Variants in ENG observed in about 807,000 individuals in gnomAD.
The protein encoded by ENG is endoglin, also known as CD105 antigen.
ENG carries 17 observed loss-of-function variants against 71.0 expected under a neutral mutation model. The ratio of observed to expected loss-of-function variants is 0.24; its 90% CI spans 0.16 to 0.36. The LOEUF (loss-of-function observed/expected upper bound fraction) is 0.36. ENG is among the 10% of genes least tolerant of loss of function. The pLI is 1.00. For missense variants in ENG, 749 were observed against 868.3 expected (o/e 0.86, Z 1.73); for synonymous variants, 360 against 366.9 (o/e 0.98, Z 0.21).
In ENG at chr9:127,825,311, C is replaced by A; in HGVS notation, c.736G>T (p.Asp246Tyr). The change falls in exon 6 of 15, where the codon GAT becomes TAT. Residue 246 changes from aspartate (D) to tyrosine (Y), a missense_variant. Physicochemically the swap from Asp to Tyr is radical, Grantham distance 160. Transcript: ENST00000373203. ...TGCAGGATGAGGACGGCATCGAGATCCCCGGGTGCGCAGCTCAGTTCCACC... is the reference window on the plus strand; with the variant it reads ...TGCAGGATGAGGACGGCATCGAGATACCCGGGTGCGCAGCTCAGTTCCACC... ...VKVELSCAPG[D>Y]LDAVLILQGP... The A allele has an allele frequency of 6.2e-7, 1 of 1,611,198 alleles. No homozygotes were observed. Among genetic ancestry groups the A allele is most frequent in the Non-Finnish European group, 8.5e-7 (1 of 1,179,504 alleles).
rs1471857128 is a variant in ENG, at chr9:127,825,713, A to C, written c.671T>G (p.Leu224Arg). The C allele has an allele frequency of 6.3e-7, 1 of 1,588,510 alleles. No homozygotes were observed. The highest frequency in any genetic ancestry group is 2.3e-5 in the East Asian group (1 of 44,276). The change falls in exon 5 of 15, where the codon CTG (leucine) becomes CGG (arginine). Residue 224 changes from leucine (L) to arginine (R), a missense_variant. Coordinates refer to ENST00000373203, the MANE Select transcript of ENG (RefSeq NM_001114753.3). Reference protein sequence around the residue: ...GHKEAHILRVLPGHSAGPRTV... With the variant: ...GHKEAHILRVRPGHSAGPRTV... Reference sequence around the variant, plus strand: ...GCCATACCCGGCCGAGTGGCCCGGCAGGACCCTCAGGATGTGCGCCTCCTT... The same window carrying C: ...GCCATACCCGGCCGAGTGGCCCGGCCGGACCCTCAGGATGTGCGCCTCCTT...
At chr9:127,816,910 G>A (rs565346967) in intron 13 of ENG, 1 of 591,210 alleles carries the variant, frequency 1.7e-6, no homozygotes, top group African/African-American at 1.9e-5. Flanking sequence ...CAGAGGCCTA[G>A]ACTCCCACCC....
intron 13 of ENG, chr9:127,816,659 T>A (rs1588573327): frequency 4.1e-6 from 1 of 242,012 alleles, no homozygotes; most frequent in Admixed American, 5.1e-5. Context: ...GGCAAAGAGG[T>A]AGGTGCCCCC....
At chr9:127,854,145 TG>T in intron 1 of ENG, 143 bp downstream of exon 1, 1 of 766,522 alleles carries the variant, frequency 1.3e-6, no homozygotes, top group Non-Finnish European at 2.1e-6. Flanking sequence ...TCCAGCAAAC[TG>T]GGAGGGTTGG....
Position 127,818,350 on chromosome 9 carries a change from A to G in ENG, c.1456T>C (p.Phe486Leu), listed in dbSNP as rs1830385483. ...TGGCAGCTGTCTAACTGGAGCAGGA[A>G]CTCGGAGACGGATGGGGACACTCTG... ...QVRVSPSVSE[F>L]LLQLDSCHLD... is the part of the protein sequence containing the mutation. The change falls in exon 12 of 15, where the codon TTC becomes CTC. Residue 486 changes from phenylalanine to leucine, a missense_variant. Physicochemically the swap from Phe to Leu is conservative, Grantham distance 22. Coordinates refer to ENST00000373203, the MANE Select transcript of ENG (RefSeq NM_001114753.3). The G allele has an allele frequency of 1.2e-6, 2 of 1,613,876 alleles. No individual in the cohort carries two copies. Among genetic ancestry groups the G allele is most frequent in the Non-Finnish European group, 1.7e-6 (2 of 1,180,022 alleles).
intron 12 of ENG, 64 bp downstream of exon 12, chr9:127,818,056 T>C: frequency 6.2e-7 from 1 of 1,612,422 alleles, no homozygotes; most frequent in Non-Finnish European, 8.5e-7. Context: ...GCCATGTCCC[T>C]TCCTGCAAAC....
chr9:127,829,583 G>A (rs1384387738), intron 3 of ENG, 104 bp downstream of exon 3: 2 of 1,459,126 alleles, frequency 1.4e-6, no homozygotes, highest in African/African-American at 1.4e-5. Flanking sequence ...AAAGGGAGAA[G>A]CAGGGCTGGG....
At chr9:127,829,390 T>C (rs1389898081) in intron 3 of ENG, among the ~76,000 whole-genome samples, 1 of 152,202 alleles carries the variant, frequency 6.6e-6, no homozygotes, top group Non-Finnish European at 1.5e-5. Context: ...AGTTCAGTTG[T>C]CCCACTGGAC....
At chr9:127,849,940 G>A (rs997995343) in intron 1 of ENG, among the ~76,000 whole-genome samples, 1 of 152,246 alleles carries the variant, frequency 6.6e-6, no homozygotes, top group African/African-American at 2.4e-5. Flanking sequence ...AAGTCTGACA[G>A]TACACATACC....
intron 13 of ENG, chr9:127,816,444 G>A (rs1252006187): frequency 5.6e-6 from 2 of 357,156 alleles, no homozygotes; most frequent in Non-Finnish European, 1.1e-5. Flanking sequence ...GTAGAGAATG[G>A]GCCAGAGCAG....
intron 1 of ENG, among the ~76,000 whole-genome samples, chr9:127,843,755 A>ATATATT (rs1554812402): frequency 4.0e-5 from 1 of 25,038 alleles, no homozygotes; most frequent in African/African-American, 1.5e-4. Flanking sequence ...ATATATATAT[A>ATATATT]TTTTTTTTTT....
chr9:127,850,840 G>A (rs138901231), intron 1 of ENG, among the ~76,000 whole-genome samples: 83 of 152,334 alleles, frequency 5.4e-4, no homozygotes, highest in African/African-American at 1.8e-3. Context: ...TACCAAAACT[G>A]TGCATTGTGG....
intron 7 of ENG, 109 bp downstream of exon 7, chr9:127,824,691 G>C: frequency 7.8e-7 from 1 of 1,283,826 alleles, no homozygotes; most frequent in Non-Finnish European, 1.0e-6. Context: ...ATGAGGCTCA[G>C]AGAGGCTGAT....
chr9:127,825,943 A>G lies in ENG; in HGVS notation c.524-83T>C, dbSNP rs915224411. On this transcript the variant is annotated intron_variant, in intron 4 of 14. Coordinates refer to ENST00000373203, the MANE Select transcript of ENG (RefSeq NM_001114753.3). ...CCCGCCCTCACCCACAGCCAAAGAT[A>G]GTGGTGGGGCAGGCAGGACGGTGCT... 7.2e-6 allele frequency: 11 copies of G among 1,523,162 alleles called. No individual in the cohort carries two copies. In the African/African-American group the frequency reaches 8.3e-5, roughly 11 times the overall value. 94.4% of individuals were successfully genotyped at this position (1,523,162 alleles called of 1,614,324 possible).
intron 12 of ENG, 54 bp downstream of exon 12, chr9:127,818,066 C>T (rs1830372506): frequency 1.2e-6 from 2 of 1,613,140 alleles, no homozygotes; most frequent in Non-Finnish European, 1.7e-6. Flanking sequence ...TTCCTGCAAA[C>T]CACAGACCTG....
chr9:127,826,540 G>C lies in ENG; in HGVS notation c.493C>G (p.Pro165Ala). The change falls in exon 4 of 15, where the codon CCC becomes GCC. Residue 165 changes from proline (P) to alanine (A), a missense_variant. Pro to Ala is a conservative substitution (Grantham distance 27). Coordinates refer to ENST00000373203, the MANE Select transcript of ENG (RefSeq NM_001114753.3). ...CCCAGTCGGAGGAGGATGCTCTGGG[G>C]GTCATTCAGCTCAGCAGCAGAGGTG... ...PITSAAELND[P>A]QSILLRLGQA... 6.2e-7 allele frequency: 1 copy of C among 1,614,108 alleles called. No homozygotes were observed.
intron 1 of ENG, among the ~76,000 whole-genome samples, chr9:127,849,999 T>C (rs1411218246): frequency 1.3e-5 from 2 of 152,132 alleles, no homozygotes; most frequent in Non-Finnish European, 2.9e-5. Flanking sequence ...TAAATGTCAG[T>C]TGTTATATTA....
At chr9:127,835,116 A>T (rs1040564453) in intron 2 of ENG, among the ~76,000 whole-genome samples, 1 of 152,020 alleles carries the variant, frequency 6.6e-6, no homozygotes, top group African/African-American at 2.4e-5. Flanking sequence ...CTCCCGCCTT[A>T]GCCTCCCAAG....
In ENG at chr9:127,816,121, G is replaced by T. The variant is rs1011793561; in HGVS notation, c.1742-68C>A. 1.3e-5 allele frequency: 20 copies of T among 1,556,284 alleles called. No individual in the cohort carries two copies. The African/African-American group carries it at 2.7e-4, about 21-fold the overall frequency. ...CCCCATCCCCTACCCTGTTGTGCTG[G>T]CCCATGTGGGCTTTGGTGCCAGCTC... is the stretch of plus-strand genomic sequence containing the variant. On this transcript the variant is annotated intron_variant, in intron 13 of 14. Coordinates refer to ENST00000373203, the MANE Select transcript of ENG (RefSeq NM_001114753.3).
Sources: gnomAD v4.1 joint callset for allele counts (sites outside exome capture counted in the v4.1 genomes callset) on GRCh38, gnomAD v4.1.1 for gene constraint, MANE v1.5 for transcripts, NCBI Gene and HGNC (gene_info 2026-07-23, HGNC 2026-07-21) for gene names.